The following NAV2 variants were observed in gnomAD, a reference collection of about 807,000 sequenced individuals.
NAV2 encodes the protein neuron navigator 2.
NAV2 carries 54 observed loss-of-function variants against 223.2 expected under a neutral mutation model. That is an observed-to-expected ratio of 0.24 (90% CI 0.19 to 0.30). The LOEUF (loss-of-function observed/expected upper bound fraction) is 0.30, where lower values mean the gene tolerates loss of function less well. Among genes scored for constraint, NAV2 ranks in the 10% least tolerant of loss-of-function variants. The pLI, the probability that NAV2 is intolerant of heterozygous loss-of-function variation, is 1.00. For synonymous variants in NAV2, 1,279 were observed against 1,239.3 expected (o/e 1.03, Z -0.67); for missense variants, 2,806 against 3,147.5 (o/e 0.89, Z 2.60).
intron 4 of NAV2, among the ~76,000 whole-genome samples, chr11:19,878,046 A>G (rs773684485): frequency 3.3e-5 from 5 of 152,072 alleles, no homozygotes; most frequent in Non-Finnish European, 5.9e-5. Context: ...ACCAAAAGAG[A>G]CTGAGGGGCT....
intron 1 of NAV2, among the ~76,000 whole-genome samples, chr11:19,742,900 G>A (rs987541336): frequency 1.1e-4 from 16 of 152,184 alleles, no homozygotes; most frequent in South Asian, 4.1e-4. Flanking sequence ...ACCTGGTGGC[G>A]TTTCACAGCA....
At chr11:19,763,915 C>T (rs1262683143) in intron 1 of NAV2, among the ~76,000 whole-genome samples, 1 of 152,008 alleles carries the variant, frequency 6.6e-6, no homozygotes, top group Non-Finnish European at 1.5e-5. Flanking sequence ...CGTATAACAT[C>T]TCTCTATCCA....
At chr11:19,648,338 G>T (rs916665429) in intron 1 of NAV2, among the ~76,000 whole-genome samples, 2 of 152,160 alleles carry the variant, frequency 1.3e-5, no homozygotes, top group Non-Finnish European at 2.9e-5. Context: ...ATTCAGTGGT[G>T]CCATGGCAGT....
At chr11:19,738,077 A>T (rs1313558275) in intron 1 of NAV2, among the ~76,000 whole-genome samples, 1 of 152,256 alleles carries the variant, frequency 6.6e-6, no homozygotes, top group African/African-American at 2.4e-5. Flanking sequence ...GAGTGCTTTG[A>T]ACAGGAAGAT....
intron 1 of NAV2, among the ~76,000 whole-genome samples, chr11:19,533,868 G>A (rs1056986878): frequency 6.9e-6 from 1 of 144,896 alleles, no homozygotes; most frequent in East Asian, 1.9e-4. Context: ...CACTACGCCC[G>A]GCTAATTTTT....
intron 1 of NAV2, among the ~76,000 whole-genome samples, chr11:19,652,956 T>A (rs2048012100): frequency 6.6e-6 from 1 of 152,192 alleles, no homozygotes; most frequent in Non-Finnish European, 1.5e-5. Context: ...TATCTCCACT[T>A]TTTCTGAGGC....
chr11:20,083,061 T>C lies in NAV2; in HGVS notation c.5380T>C (p.Ser1794Pro). The C allele has an allele frequency of 6.2e-7, 1 of 1,614,162 alleles. No individual in the cohort carries two copies. ...GAAGAAGAAGTCCCCAAAATCTGCGTCCTCTCATTCAGATATTGAGGAGAT... is the reference window on the plus strand; with the variant it reads ...GAAGAAGAAGTCCCCAAAATCTGCGCCCTCTCATTCAGATATTGAGGAGAT... ...FGKKKSPKSASSHSDIEEMTD... is the reference protein window; with the variant it reads ...FGKKKSPKSAPSHSDIEEMTD... Residue 1794 changes from serine to proline, a missense_variant, in exon 26 of 38, where the codon TCC becomes CCC. This residue lies in a region of NAV2 where 824 missense variants were observed against 1,069.4 expected (regional missense o/e 0.77). Transcript: ENST00000349880.
intron 1 of NAV2, among the ~76,000 whole-genome samples, chr11:19,494,332 A>C (rs2042725692): frequency 6.6e-6 from 1 of 152,152 alleles, no homozygotes. Context: ...AAGTGACAAC[A>C]CTTTGGCCCA....
intron 11 of NAV2, among the ~76,000 whole-genome samples, chr11:19,993,127 A>G (rs1340103442): frequency 6.6e-6 from 1 of 152,236 alleles, no homozygotes; most frequent in Non-Finnish European, 1.5e-5. Flanking sequence ...GCCCTGCAAT[A>G]GAAAATAACT....
In NAV2 at chr11:19,383,746, A is replaced by T. The variant is rs561191744; in HGVS notation, c.75+32719A>T. ...GCAACGCATCAGAAGTAATTCAGCCAAAGCCCCTAGGACAGTGCCTGCTGT... is the reference window on the plus strand; with the variant it reads ...GCAACGCATCAGAAGTAATTCAGCCTAAGCCCCTAGGACAGTGCCTGCTGT... On this transcript the variant is annotated intron_variant, in intron 1 of 37. Transcript: ENST00000360655. 2.0e-5 allele frequency among the ~76,000 whole-genome samples: 3 copies of T among 152,376 alleles called. 1 individual carries two copies. In the South Asian group the frequency reaches 6.2e-4, roughly 32 times the overall value.
chr11:19,535,997 A>G (rs894815773), intron 1 of NAV2, among the ~76,000 whole-genome samples: 5 of 152,228 alleles, frequency 3.3e-5, no homozygotes, highest in African/African-American at 9.6e-5. Flanking sequence ...CCAATGGGTC[A>G]GCTCATAGGC....
chr11:19,512,381 G>A (rs1390424544), intron 1 of NAV2, among the ~76,000 whole-genome samples: 1 of 152,248 alleles, frequency 6.6e-6, no homozygotes, highest in Admixed American at 6.5e-5. Flanking sequence ...TCCATGAGAG[G>A]AGACTGAGCA....
chr11:19,494,562 CCT>C (rs2042733098), intron 1 of NAV2, among the ~76,000 whole-genome samples: 1 of 152,184 alleles, frequency 6.6e-6, no homozygotes, highest in Non-Finnish European at 1.5e-5. Context: ...AGGGGTGAAA[CCT>C]ATATGTGTGT....
intron 22 of NAV2, among the ~76,000 whole-genome samples, chr11:20,071,125 GC>G: frequency 1.1e-5 from 1 of 89,228 alleles, no homozygotes; most frequent in East Asian, 6.4e-4. Flanking sequence ...CCCCCGACAG[GC>G]CCTGGTGTCT....
chr11:19,845,518 C>G, intron 3 of NAV2, among the ~76,000 whole-genome samples: 1 of 152,124 alleles, frequency 6.6e-6, no homozygotes, highest in East Asian at 1.9e-4. Context: ...ACCTTTAGGG[C>G]CCTTTAATAA....
chr11:19,532,136 C>T lies in NAV2; in HGVS notation c.75+181109C>T, dbSNP rs1054964883. Among the ~76,000 whole-genome samples the T allele has an allele frequency of 3.9e-4, 59 of 152,182 alleles. 1 individual carries two copies. The highest frequency in any genetic ancestry group is 1.4e-3 in the African/African-American group (57 of 41,430). On this transcript the variant is annotated intron_variant, in intron 1 of 37. Transcript: ENST00000360655. ...TTTTTGAGCAGGGAGATTCATGGCC[C>T]ATTTCGAGCCCAGTGGAAAGTTGGG... is the stretch of plus-strand genomic sequence containing the variant.
At chr11:19,828,664 GT>G (rs148700103) in intron 1 of NAV2, among the ~76,000 whole-genome samples, 22,800 of 149,164 alleles carry the variant, frequency 0.15, 2,096 homozygotes, top group Non-Finnish European at 0.22. Flanking sequence ...AATTTTTTGT[GT>G]TTTTTGTAGG....
chr11:19,726,019 C>G (rs538169095), intron 1 of NAV2, among the ~76,000 whole-genome samples: 1 of 152,282 alleles, frequency 6.6e-6, no homozygotes, highest in South Asian at 2.1e-4. Context: ...CTGCCTGGCT[C>G]TGCCGAGGCC....
chr11:19,445,223 C>G (rs1302503577), intron 1 of NAV2, among the ~76,000 whole-genome samples: 2 of 152,112 alleles, frequency 1.3e-5, no homozygotes, highest in African/African-American at 4.8e-5. Context: ...TGAAGATAGA[C>G]AGGGCCCCCT....
Sources: allele counts gnomAD v4.1 joint callset (sites outside exome capture counted in the v4.1 genomes callset), GRCh38; gene constraint gnomAD v4.1.1; regional missense constraint gnomAD v4.1.1; transcripts MANE v1.5; gene names NCBI Gene and HGNC (gene_info 2026-07-23, HGNC 2026-07-21).